The following B3GALT1 variants were observed in gnomAD, a reference collection of about 807,000 sequenced individuals.
B3GALT1 encodes the protein beta-1,3-galactosyltransferase 1, also known as UDP-Gal:betaGlcNAc beta 1,3-galactosyltransferase, polypeptide 1.
In B3GALT1, 10 loss-of-function variants were observed where a neutral mutation model predicts 23.2. That is an observed-to-expected ratio of 0.43 (90% CI 0.27 to 0.73). The LOEUF is 0.73. B3GALT1 is among the 30% of genes least tolerant of loss of function. The probability of loss-of-function intolerance (pLI) is 0.21; values close to 1 mark genes in which losing one functional copy is unlikely to be tolerated. For synonymous variants in B3GALT1, 156 were observed against 141.5 expected (o/e 1.10, Z -0.73); for missense variants, 299 against 405.4 (o/e 0.74, Z 2.25).
intron 1 of B3GALT1, among the ~76,000 whole-genome samples, chr2:167,363,262 G>A (rs761014392): frequency 1.6e-4 from 24 of 151,736 alleles, no homozygotes; most frequent in African/African-American, 5.3e-4. Context: ...TATCCTGTTC[G>A]TTTGTCAGCT....
chr2:167,637,055 A>G (rs116190589), intron 2 of B3GALT1, among the ~76,000 whole-genome samples: 1,607 of 152,050 alleles, frequency 0.011, 31 homozygotes, highest in African/African-American at 0.037. Context: ...AGCTACCCTG[A>G]TTAGTTAGTG....
At chr2:167,770,106 T>C (rs1489880358) in intron 3 of B3GALT1, among the ~76,000 whole-genome samples, 1 of 152,182 alleles carries the variant, frequency 6.6e-6, no homozygotes, top group Non-Finnish European at 1.5e-5. Flanking sequence ...GTTTTTGTTT[T>C]GTTTTGTTTT....
At chr2:167,598,722 G>C (rs866731667) in intron 2 of B3GALT1, among the ~76,000 whole-genome samples, 72 of 152,212 alleles carry the variant, frequency 4.7e-4, no homozygotes, top group African/African-American at 1.6e-3. Flanking sequence ...GTGGAATAAG[G>C]CTTCCTTTAT....
At chr2:167,366,437 C>T (rs1050874847) in intron 1 of B3GALT1, among the ~76,000 whole-genome samples, 1 of 152,086 alleles carries the variant, frequency 6.6e-6, no homozygotes, top group Non-Finnish European at 1.5e-5. Context: ...GTGGGGTTGT[C>T]AGGATTTGTA....
chr2:167,425,648 A>G (rs1260496705), intron 1 of B3GALT1, among the ~76,000 whole-genome samples: 3 of 152,320 alleles, frequency 2.0e-5, no homozygotes, highest in East Asian at 3.9e-4. Context: ...GTTATGCTCC[A>G]CAGTCTTTTT....
At chr2:167,426,504 T>A (rs1239302855) in intron 1 of B3GALT1, among the ~76,000 whole-genome samples, 1 of 152,104 alleles carries the variant, frequency 6.6e-6, no homozygotes, top group Non-Finnish European at 1.5e-5. Flanking sequence ...CTCAAACTCT[T>A]GACCTCAGGT....
intron 3 of B3GALT1, among the ~76,000 whole-genome samples, chr2:167,709,633 G>A (rs986239987): frequency 1.3e-4 from 20 of 152,160 alleles, no homozygotes; most frequent in African/African-American, 4.3e-4. Flanking sequence ...CATAGTGATA[G>A]TTGTACATCA....
At chr2:167,864,452 TACTGGGGCA>T (rs893045017) in intron 4 of B3GALT1, among the ~76,000 whole-genome samples, 3 of 152,138 alleles carry the variant, frequency 2.0e-5, no homozygotes, top group African/African-American at 7.2e-5. Context: ...TAATCTCAGC[TACTGGGGCA>T]GCTGAGGCAG....
intron 2 of B3GALT1, among the ~76,000 whole-genome samples, chr2:167,631,777 T>C (rs1441019155): frequency 4.0e-5 from 6 of 150,306 alleles, no homozygotes; most frequent in Admixed American, 6.6e-5. Flanking sequence ...TTCTTTTTTT[T>C]TTTTTTTTTT....
In B3GALT1 at chr2:167,695,320, A is replaced by C. The variant is rs190897076; in HGVS notation, c.-352+48354A>C. ...GCTGTTTCTTACTAATCATTCCCCA[A>C]GTGATTAATTATTGGTTGTCTTTAG... On this transcript the variant is annotated intron_variant, in intron 3 of 4. Coordinates refer to ENST00000392690, the MANE Select transcript of B3GALT1 (RefSeq NM_020981.4). Among the ~76,000 whole-genome samples, 637 of 152,252 alleles carry C rather than the reference A, an allele frequency of 4.2e-3. 4 individuals are homozygous for C. Among genetic ancestry groups the C allele is most frequent in the Middle Eastern group, 0.037 (11 of 294 alleles).
intron 3 of B3GALT1, chr2:167,713,713 A>C: frequency 1.3e-6 from 2 of 1,523,280 alleles, no homozygotes; most frequent in Non-Finnish European, 1.8e-6. Flanking sequence ...AGGTGGAATC[A>C]ACCCTCAAGG....
chr2:167,402,440 A>G (rs755663800), intron 1 of B3GALT1, among the ~76,000 whole-genome samples: 2 of 152,082 alleles, frequency 1.3e-5, no homozygotes, highest in South Asian at 2.1e-4. Flanking sequence ...CTGAAAAACT[A>G]CTCTCTGATA....
At chr2:167,419,748 T>A (rs1559090913) in intron 1 of B3GALT1, among the ~76,000 whole-genome samples, 1 of 152,232 alleles carries the variant, frequency 6.6e-6, no homozygotes, top group Non-Finnish European at 1.5e-5. Flanking sequence ...AAGATAATTA[T>A]GCTTGCTATT....
At chr2:167,455,535 A>G (rs1018105671) in intron 1 of B3GALT1, among the ~76,000 whole-genome samples, 9 of 152,068 alleles carry the variant, frequency 5.9e-5, no homozygotes, top group African/African-American at 2.2e-4. Flanking sequence ...TTCTTCTGAG[A>G]TGGAATTTCC....
chr2:167,597,966 C>T (rs1449757304), intron 2 of B3GALT1, among the ~76,000 whole-genome samples: 1 of 151,924 alleles, frequency 6.6e-6, no homozygotes, highest in African/African-American at 2.4e-5. Flanking sequence ...ACCTGCTTAC[C>T]CAGAACTGCC....
intron 3 of B3GALT1, among the ~76,000 whole-genome samples, chr2:167,662,710 C>G (rs1202173300): frequency 1.3e-5 from 2 of 151,896 alleles, no homozygotes; most frequent in African/African-American, 4.8e-5. Context: ...AAGTGAAAGA[C>G]CATACAATGG....
chr2:167,411,378 C>CA lies in B3GALT1; in HGVS notation c.-510-78778dup, dbSNP rs60719828. ...AACAACTCAATAGCAAACAAAAAAC[C>CA]AAAAAAAAAAAAAAAAAAAAACCAC... On this transcript the variant is annotated intron_variant, in intron 1 of 4. Coordinates refer to ENST00000392690, the MANE Select transcript of B3GALT1 (RefSeq NM_020981.4). 3.9e-3 allele frequency among the ~76,000 whole-genome samples: 538 copies of CA among 136,474 alleles called. 2 individuals are homozygous for CA. Among genetic ancestry groups the CA allele is most frequent in the African/African-American group, 0.014 (490 of 36,248 alleles). The allele number at this position is 136,474 out of a possible 152,430, so 89.5% of individuals were successfully genotyped here.
intron 2 of B3GALT1, among the ~76,000 whole-genome samples, chr2:167,535,898 G>A (rs1403398394): frequency 6.6e-6 from 1 of 152,120 alleles, no homozygotes; most frequent in Non-Finnish European, 1.5e-5. Context: ...GTTGTCTAGT[G>A]TAGCAACATT....
chr2:167,665,690 G>T (rs575356832), intron 3 of B3GALT1, among the ~76,000 whole-genome samples: 1 of 152,200 alleles, frequency 6.6e-6, no homozygotes, highest in South Asian at 2.1e-4. Context: ...GTTTAGTCTT[G>T]GGAGAGTGTA....
Sources: gnomAD v4.1 joint callset for allele counts (sites outside exome capture counted in the v4.1 genomes callset) on GRCh38, gnomAD v4.1.1 for gene constraint, MANE v1.5 for transcripts, NCBI Gene and HGNC (gene_info 2026-07-23, HGNC 2026-07-21) for gene names.